Variants in ULK4 observed in about 807,000 individuals in gnomAD.
ULK4 encodes unc-51 like kinase 4.
In ULK4, 133 loss-of-function variants were observed where a neutral mutation model predicts 160.6. That is an observed-to-expected ratio of 0.83 (90% CI 0.72 to 0.96). The LOEUF (loss-of-function observed/expected upper bound fraction) is 0.96, where lower values mean the gene tolerates loss of function less well. Ranked by LOEUF, ULK4 falls within the 40% of genes least tolerant of loss-of-function variation. ULK4 has a pLI of 0.00. For synonymous variants in ULK4, 534 were observed against 539.8 expected (o/e 0.99, Z 0.15); for missense variants, 1,580 against 1,499.5 (o/e 1.05, Z -0.89).
intron 30 of ULK4, among the ~76,000 whole-genome samples, chr3:41,650,783 T>G (rs1306535870): frequency 1.3e-5 from 2 of 152,182 alleles, no homozygotes; most frequent in African/African-American, 4.8e-5. Context: ...AGCAACACCC[T>G]AAGGATCCTG....
At chr3:41,789,588 T>C in intron 21 of ULK4, 73 bp downstream of exon 21, 1 of 1,377,064 alleles carries the variant, frequency 7.3e-7, no homozygotes, top group Non-Finnish European at 9.7e-7. Context: ...AACATGACAT[T>C]ACTTGTGGAA....
At chr3:41,709,989 C>T (rs1053759993) in intron 25 of ULK4, among the ~76,000 whole-genome samples, 1 of 152,104 alleles carries the variant, frequency 6.6e-6, no homozygotes, top group African/African-American at 2.4e-5. Context: ...GAAGAGATCA[C>T]AGGAAAGGAC....
chr3:41,312,143 T>C (rs755626490), intron 35 of ULK4, among the ~76,000 whole-genome samples: 39 of 151,866 alleles, frequency 2.6e-4, no homozygotes, highest in Non-Finnish European at 4.7e-4. Flanking sequence ...CATGGCTAAT[T>C]TTTAGAAAAT....
At chr3:41,624,314 C>T (rs533598986) in intron 30 of ULK4, among the ~76,000 whole-genome samples, 7 of 152,298 alleles carry the variant, frequency 4.6e-5, no homozygotes, top group East Asian at 1.9e-4. Flanking sequence ...CCCTGGCAAC[C>T]GAGGCCAATG....
chr3:41,839,729 C>T (rs1326128601), intron 17 of ULK4, among the ~76,000 whole-genome samples: 1 of 152,050 alleles, frequency 6.6e-6, no homozygotes, highest in Non-Finnish European at 1.5e-5. Context: ...CTAGTGAGTT[C>T]TGCAAGGTCA....
At chr3:41,742,510 C>T (rs2038276501) in intron 22 of ULK4, among the ~76,000 whole-genome samples, 3 of 151,902 alleles carry the variant, frequency 2.0e-5, no homozygotes, top group South Asian at 2.1e-4. Flanking sequence ...AACATTAAGA[C>T]TTAATGACAC....
intron 30 of ULK4, among the ~76,000 whole-genome samples, chr3:41,643,741 A>G (rs1469809191): frequency 1.3e-5 from 2 of 152,186 alleles, no homozygotes; most frequent in African/African-American, 4.8e-5. Context: ...AGTCATTGGT[A>G]GCTTGATGGG....
chr3:41,860,855 TCTTG>T (rs1280154263), intron 17 of ULK4, among the ~76,000 whole-genome samples: 6 of 152,220 alleles, frequency 3.9e-5, no homozygotes, highest in Non-Finnish European at 8.8e-5. Context: ...TGATTTAGTT[TCTTG>T]CTTTTTATTT....
intron 25 of ULK4, among the ~76,000 whole-genome samples, chr3:41,705,979 C>T (rs910669359): frequency 7.9e-5 from 12 of 152,108 alleles, no homozygotes; most frequent in Admixed American, 5.2e-4. Context: ...GCTTTAGCTA[C>T]CCTGAGTACA....
intron 17 of ULK4, among the ~76,000 whole-genome samples, chr3:41,877,440 C>A (rs1370380153): frequency 6.6e-6 from 1 of 151,864 alleles, no homozygotes; most frequent in African/African-American, 2.4e-5. Flanking sequence ...AATTCTCATG[C>A]CCCAGCCTCC....
chr3:41,911,723 A>G (rs1279443477), intron 9 of ULK4, 64 bp from the exon 10 acceptor site: 1 of 1,235,514 alleles, frequency 8.1e-7, no homozygotes, highest in Non-Finnish European at 1.2e-6. Flanking sequence ...TTTATGTTAG[A>G]GAAAAAGAGG....
At chr3:41,397,308 T>C (rs1361336306) in intron 35 of ULK4, among the ~76,000 whole-genome samples, 1 of 152,154 alleles carries the variant, frequency 6.6e-6, no homozygotes, top group Non-Finnish European at 1.5e-5. Context: ...AAGTTTTTCC[T>C]TACAGTGGAA....
chr3:41,595,689 T>A (rs1325396008), intron 31 of ULK4, among the ~76,000 whole-genome samples: 1 of 152,098 alleles, frequency 6.6e-6, no homozygotes, highest in Non-Finnish European at 1.5e-5. Flanking sequence ...GTGAGGGTGG[T>A]CATTTTATTA....
chr3:41,388,586 T>C (rs2081878433), intron 35 of ULK4, among the ~76,000 whole-genome samples: 2 of 152,150 alleles, frequency 1.3e-5, no homozygotes, highest in Non-Finnish European at 2.9e-5. Flanking sequence ...TTCAGCTTTC[T>C]ACATATGGCT....
intron 35 of ULK4, among the ~76,000 whole-genome samples, chr3:41,302,817 A>G (rs913894569): frequency 3.9e-5 from 6 of 152,330 alleles, no homozygotes; most frequent in African/African-American, 1.2e-4. Flanking sequence ...TCAGTGATCT[A>G]TGTTAGCAAA....
chr3:41,473,519 G>A (rs530775683), intron 32 of ULK4, among the ~76,000 whole-genome samples: 18 of 151,640 alleles, frequency 1.2e-4, no homozygotes, highest in Middle Eastern at 3.4e-3. Flanking sequence ...AAAATTAGCC[G>A]GGCATGGTGG....
chr3:41,746,397 C>T (rs545879068), intron 22 of ULK4, among the ~76,000 whole-genome samples: 3 of 149,574 alleles, frequency 2.0e-5, no homozygotes, highest in South Asian at 2.1e-4. Flanking sequence ...ATTAATGATG[C>T]AATACCATTT....
At chr3:41,792,203 T>C (rs777851185) in intron 20 of ULK4, among the ~76,000 whole-genome samples, 1 of 152,208 alleles carries the variant, frequency 6.6e-6, no homozygotes, top group Non-Finnish European at 1.5e-5. Context: ...ACTTTATTTT[T>C]TTCTCTATGT....
In ULK4 at chr3:41,246,779, C is replaced by T. The variant is rs2078651321; in HGVS notation, c.*150G>A. 2 of 863,240 alleles carry T rather than the reference C, an allele frequency of 2.3e-6. No individual in the cohort carries two copies. Among genetic ancestry groups the T allele is most frequent in the South Asian group, 1.8e-5 (1 of 54,300 alleles). 53.5% of individuals were successfully genotyped at this position (863,240 alleles called of 1,614,324 possible). On this transcript the variant is annotated 3_prime_UTR_variant, in exon 37 of 37. Transcript: ENST00000301831. ...TTTTCTAGGCCCTGGGGTTAGTGAG[C>T]ACTTGGGCCACCAGGTTCTGGGTTA...
Sources: gnomAD v4.1 joint callset for allele counts (sites outside exome capture counted in the v4.1 genomes callset) on GRCh38, gnomAD v4.1.1 for gene constraint, MANE v1.5 for transcripts, NCBI Gene and HGNC (gene_info 2026-07-23, HGNC 2026-07-21) for gene names.